Variants in PLPPR1 observed in about 807,000 individuals in gnomAD.
PLPPR1 encodes the protein phospholipid phosphatase related 1.
Under a neutral mutation model 33.1 loss-of-function variants are expected in PLPPR1, and 10 were observed. The ratio of observed to expected loss-of-function variants is 0.30; its 90% CI spans 0.19 to 0.51. The LOEUF (loss-of-function observed/expected upper bound fraction) is 0.51. Among genes scored for constraint, PLPPR1 ranks in the 20% least tolerant of loss-of-function variants. PLPPR1 has a pLI of 0.97. For missense variants in PLPPR1, 304 were observed against 408.1 expected (o/e 0.74, Z 2.20); for synonymous variants, 151 against 151.0 (o/e 1.00, Z 0.00).
At chr9:101,170,596 A>G (rs1163455340) in intron 1 of PLPPR1, among the ~76,000 whole-genome samples, 3 of 152,208 alleles carry the variant, frequency 2.0e-5, no homozygotes, top group African/African-American at 7.2e-5. Flanking sequence ...GAAAGTGTGT[A>G]ATAGACTTGA....
intron 2 of PLPPR1, among the ~76,000 whole-genome samples, chr9:101,195,994 G>C (rs1826387399): frequency 1.3e-5 from 2 of 152,176 alleles, no homozygotes; most frequent in African/African-American, 4.8e-5. Context: ...ATAAAAGATA[G>C]CATCTTGTCT....
chr9:101,308,738 G>A (rs1177491808), intron 4 of PLPPR1, among the ~76,000 whole-genome samples: 1 of 151,848 alleles, frequency 6.6e-6, no homozygotes, highest in Non-Finnish European at 1.5e-5. Flanking sequence ...ACATTTCCAA[G>A]TAGAATCAGG....
At chr9:101,302,317 G>T (rs1250448275) in intron 4 of PLPPR1, among the ~76,000 whole-genome samples, 3 of 152,152 alleles carry the variant, frequency 2.0e-5, no homozygotes. Flanking sequence ...ATCTCATCAG[G>T]TCAGTACACC....
At chr9:101,141,232 C>T (rs529343781) in intron 1 of PLPPR1, among the ~76,000 whole-genome samples, 9 of 152,256 alleles carry the variant, frequency 5.9e-5, no homozygotes, top group African/African-American at 1.2e-4. Flanking sequence ...GAAGATTCCA[C>T]ACTGTGAAAG....
At chr9:101,033,742 C>T (rs961433737) in intron 1 of PLPPR1, among the ~76,000 whole-genome samples, 2 of 152,164 alleles carry the variant, frequency 1.3e-5, no homozygotes, top group Non-Finnish European at 2.9e-5. Flanking sequence ...ACACCTATGA[C>T]TCCTATTCCC....
chr9:101,081,207 G>A (rs1004449263), intron 1 of PLPPR1, among the ~76,000 whole-genome samples: 1 of 152,044 alleles, frequency 6.6e-6, no homozygotes, highest in African/African-American at 2.4e-5. Context: ...AACTAAGTAT[G>A]TGCTTTTTTT....
intron 1 of PLPPR1, among the ~76,000 whole-genome samples, chr9:101,171,247 A>C (rs1825937532): frequency 6.6e-6 from 1 of 152,138 alleles, no homozygotes. Context: ...AGCCATAGGA[A>C]CAAAGCTGAA....
At chr9:101,205,144 G>A (rs1207095400) in intron 2 of PLPPR1, among the ~76,000 whole-genome samples, 1 of 152,018 alleles carries the variant, frequency 6.6e-6, no homozygotes, top group East Asian at 1.9e-4. Flanking sequence ...CTTTTGGCAG[G>A]TATCTTACTC....
At position 101,083,010 on chromosome 9, in the gene PLPPR1, G is replaced by A. The variant is rs529531722; in HGVS notation, c.-46+53908G>A. On this transcript the variant is annotated intron_variant, in intron 1 of 7. Transcript: ENST00000374874. Reference sequence around the variant, plus strand: ...CAGAAGGGAGAAGAAGGAGAAAAAGGAATTTCCTAAGTGGCATGGGAGTAA... The same window carrying A: ...CAGAAGGGAGAAGAAGGAGAAAAAGAAATTTCCTAAGTGGCATGGGAGTAA... 2.6e-5 allele frequency among the ~76,000 whole-genome samples: 4 copies of A among 152,206 alleles called. No homozygotes were observed. In the South Asian group the frequency reaches 8.3e-4, roughly 32 times the overall value.
chr9:101,077,285 C>T (rs1830549790), intron 1 of PLPPR1, among the ~76,000 whole-genome samples: 1 of 152,196 alleles, frequency 6.6e-6, no homozygotes, highest in African/African-American at 2.4e-5. Context: ...GGCAATTCTC[C>T]AAGACAAACC....
At chr9:101,290,539 T>C (rs979391693) in intron 4 of PLPPR1, among the ~76,000 whole-genome samples, 2 of 152,234 alleles carry the variant, frequency 1.3e-5, no homozygotes, top group Non-Finnish European at 2.9e-5. Context: ...TTTGACAGTG[T>C]ATTTCAATAA....
At chr9:101,247,394 G>A (rs1033314071) in intron 2 of PLPPR1, among the ~76,000 whole-genome samples, 14 of 152,054 alleles carry the variant, frequency 9.2e-5, no homozygotes, top group African/African-American at 3.1e-4. Flanking sequence ...CAACCACTTA[G>A]CATCTGAGAG....
intron 1 of PLPPR1, among the ~76,000 whole-genome samples, chr9:101,062,620 T>C (rs1830360731): frequency 6.6e-6 from 1 of 152,088 alleles, no homozygotes; most frequent in Admixed American, 6.6e-5. Context: ...TATGACACAT[T>C]GTAACTGCAT....
intron 1 of PLPPR1, among the ~76,000 whole-genome samples, chr9:101,043,830 A>T (rs2118426372): frequency 6.6e-6 from 1 of 152,040 alleles, no homozygotes; most frequent in East Asian, 1.9e-4. Context: ...TTATTTTTTG[A>T]TAATGGCCAT....
intron 1 of PLPPR1, among the ~76,000 whole-genome samples, chr9:101,067,716 C>T (rs1588014669): frequency 6.6e-6 from 1 of 152,120 alleles, no homozygotes; most frequent in African/African-American, 2.4e-5. Flanking sequence ...CCTTTCTTTC[C>T]TCTAGGTGGA....
intron 1 of PLPPR1, among the ~76,000 whole-genome samples, chr9:101,041,383 CT>C (rs1830076842): frequency 6.6e-6 from 1 of 152,090 alleles, no homozygotes; most frequent in Non-Finnish European, 1.5e-5. Context: ...ACTCATTTGT[CT>C]ACAACAAAAT....
At chr9:101,243,689 G>C (rs1827526458) in intron 2 of PLPPR1, among the ~76,000 whole-genome samples, 2 of 151,940 alleles carry the variant, frequency 1.3e-5, no homozygotes, top group Non-Finnish European at 2.9e-5. Flanking sequence ...GAGATGTTAA[G>C]TGTGGATTAA....
At chr9:101,167,141 GGTGTGTGTGTGTGTGTGTGTGTGTGT>G in intron 1 of PLPPR1, among the ~76,000 whole-genome samples, 1 of 39,744 alleles carries the variant, frequency 2.5e-5, no homozygotes, top group East Asian at 7.2e-4. Flanking sequence ...TATGTCTCTC[GGTGTGTGTGTGTGTGTGTGTGTGTGT>G]GTGTGTGTGT....
At chr9:101,152,229 A>C (rs1461286368) in intron 1 of PLPPR1, among the ~76,000 whole-genome samples, 3 of 152,240 alleles carry the variant, frequency 2.0e-5, no homozygotes, top group East Asian at 1.9e-4. Context: ...TCCTTTGCCC[A>C]CTTTTCGCTG....
Sources: allele counts gnomAD v4.1 joint callset (sites outside exome capture counted in the v4.1 genomes callset), GRCh38; gene constraint gnomAD v4.1.1; transcripts MANE v1.5; gene names NCBI Gene and HGNC (gene_info 2026-07-23, HGNC 2026-07-21).